SYT9: variants seen among roughly 807,000 people sequenced by gnomAD.
SYT9 encodes the protein synaptotagmin 9, also known as synaptotagmin-9.
A neutral mutation model predicts 48.4 loss-of-function variants in SYT9; 22 were observed. The observed-to-expected ratio is 0.45, with a 90% CI of 0.32 to 0.65. The LOEUF (loss-of-function observed/expected upper bound fraction) is 0.65. SYT9 is among the 30% of genes least tolerant of loss of function. SYT9 has a pLI of 0.03. For synonymous variants in SYT9, 265 were observed against 245.0 expected, an observed-to-expected ratio of 1.08 and a Z score of -0.76; for missense variants, 577 against 622.0, an observed-to-expected ratio of 0.93 and a Z score of 0.77.
Position 7,303,110 on chromosome 11 carries a change from G to A in SYT9, c.217G>A (p.Val73Ile), listed in dbSNP as rs982227091. 10 of 1,614,036 alleles carry A rather than the reference G, an allele frequency of 6.2e-6. No individual in the cohort carries two copies. The highest frequency in any genetic ancestry group is 2.2e-5 in the East Asian group (1 of 44,902). Reference sequence around the variant, plus strand: ...CGCTCTCTTTGGCGTGTCTCTCTTCGTATCTTGGAAACTCTGCTGGGTTCC... The same window carrying A: ...CGCTCTCTTTGGCGTGTCTCTCTTCATATCTTGGAAACTCTGCTGGGTTCC... ...GLALFGVSLF[V>I]SWKLCWVPWR... The change falls in exon 2 of 7, where the codon GTA becomes ATA. Residue 73 changes from valine (V) to isoleucine (I), a missense_variant. Transcript: ENST00000318881.
intron 3 of SYT9, among the ~76,000 whole-genome samples, chr11:7,354,984 T>A (rs766400869): frequency 3.9e-5 from 6 of 152,260 alleles, no homozygotes; most frequent in Middle Eastern, 3.4e-3. Context: ...TATGAAGTTG[T>A]TAAAAAAAAT....
intron 6 of SYT9, chr11:7,440,519 T>C (rs1381076058): frequency 6.6e-6 from 1 of 152,226 alleles, no homozygotes; most frequent in Non-Finnish European, 1.5e-5. Flanking sequence ...TAAGGCGCCA[T>C]AGTCTGCCAA....
In SYT9 at chr11:7,252,266, A is replaced by G. The variant is rs1386759613; in HGVS notation, c.80A>G (p.His27Arg). 6.6e-7 allele frequency: 1 copy of G among 1,510,232 alleles called. No homozygotes were observed. Among genetic ancestry groups the G allele is most frequent in the Non-Finnish European group, 8.9e-7 (1 of 1,129,112 alleles). The allele number at this position is 1,510,232 out of a possible 1,614,324, so 93.6% of individuals were successfully genotyped here. ...CTCTGTGCCCGTGGGGCCCTGGAGCACGACAGCTGCCAGGATTTCATTTAC... is the reference window on the plus strand; with the variant it reads ...CTCTGTGCCCGTGGGGCCCTGGAGCGCGACAGCTGCCAGGATTTCATTTAC... ...AELCARGALE[H>R]DSCQDFIYHL... Residue 27 changes from histidine to arginine, a missense_variant, in exon 1 of 7, where the codon CAC (histidine) becomes CGC (arginine). Transcript: ENST00000318881. This position sits in a 1 kb window ranked among gnomAD's most constrained non-coding sequence, Gnocchi z 6.3.
chr11:7,355,513 T>G (rs1420903059), intron 3 of SYT9, among the ~76,000 whole-genome samples: 1 of 152,252 alleles, frequency 6.6e-6, no homozygotes, highest in Admixed American at 6.5e-5. Flanking sequence ...CTTTCCTGCC[T>G]TCCTCAGCTA....
At chr11:7,343,715 C>T (rs1231819916) in intron 3 of SYT9, among the ~76,000 whole-genome samples, 2 of 152,154 alleles carry the variant, frequency 1.3e-5, no homozygotes, top group Non-Finnish European at 2.9e-5. Flanking sequence ...GTGCCCCACT[C>T]CCAGTACCAA....
upstream of SYT9, among the ~76,000 whole-genome samples, chr11:7,247,864 A>G (rs1231498034): frequency 6.6e-6 from 1 of 151,990 alleles, no homozygotes; most frequent in Non-Finnish European, 1.5e-5. Flanking sequence ...AGCTGCATCA[A>G]ATGGTAGTTC....
At chr11:7,315,957 C>G (rs1017383289) in intron 3 of SYT9, among the ~76,000 whole-genome samples, 1 of 152,078 alleles carries the variant, frequency 6.6e-6, no homozygotes, top group Non-Finnish European at 1.5e-5. Context: ...TTGATCTAAG[C>G]CTTTGGATGG....
intron 3 of SYT9, among the ~76,000 whole-genome samples, chr11:7,367,742 A>G (rs1218585540): frequency 1.3e-5 from 2 of 151,686 alleles, no homozygotes; most frequent in African/African-American, 2.4e-5. Flanking sequence ...GTGTTTATTC[A>G]GATACAAAAT....
chr11:7,410,851 A>G (rs1357771077), intron 3 of SYT9, among the ~76,000 whole-genome samples: 1 of 151,986 alleles, frequency 6.6e-6, no homozygotes, highest in Admixed American at 6.6e-5. Context: ...TCCATTCAAT[A>G]TCTCTTTTTT....
chr11:7,411,287 C>T (rs576205009), intron 3 of SYT9, among the ~76,000 whole-genome samples: 1 of 152,110 alleles, frequency 6.6e-6, no homozygotes, highest in African/African-American at 2.4e-5. Flanking sequence ...TGTAGTTGTA[C>T]CATTTGAATT....
chr11:7,350,250 A>T (rs550426620), intron 3 of SYT9, among the ~76,000 whole-genome samples: 2 of 152,226 alleles, frequency 1.3e-5, no homozygotes, highest in African/African-American at 2.4e-5. Flanking sequence ...AAGTGATGAC[A>T]TTCCCAAATA....
In SYT9 at chr11:7,420,601, G is replaced by A. The variant is rs553708062; in HGVS notation, c.1433G>A (p.Arg478Gln). The change falls in exon 6 of 7, where the codon CGG (arginine) becomes CAG (glutamine). Residue 478 changes from arginine to glutamine, a missense_variant. By Grantham distance (43) the Arg-to-Gln change is conservative. Coordinates refer to ENST00000318881, the MANE Select transcript of SYT9 (RefSeq NM_175733.4). ...DHWSEMLSYP[R>Q]KPIAHWHSLV... ...TGGAGTGAAATGTTGTCATATCCTC[G>A]GAAGCCCATTGCACACTGGCATTCC... 3.7e-6 allele frequency: 6 copies of A among 1,614,184 alleles called. No homozygotes were observed. The highest frequency in any genetic ancestry group is 2.2e-5 in the East Asian group (1 of 44,890).
At chr11:7,247,578 C>T (rs61880866), upstream of SYT9, among the ~76,000 whole-genome samples, 31,581 of 143,826 alleles carry the variant, frequency 0.22, 4,378 homozygotes, top group Admixed American at 0.3. Context: ...TACACATATA[C>T]ATATATATGT....
chr11:7,298,700 T>C (rs1047095646), intron 1 of SYT9, among the ~76,000 whole-genome samples: 4 of 152,118 alleles, frequency 2.6e-5, no homozygotes, highest in Non-Finnish European at 5.9e-5. Flanking sequence ...ATTACAGGTG[T>C]CCAGCTGGAA....
At chr11:7,447,519 C>G (rs1303763708) in intron 6 of SYT9, among the ~76,000 whole-genome samples, 1 of 152,250 alleles carries the variant, frequency 6.6e-6, no homozygotes, top group African/African-American at 2.4e-5. Context: ...CAAACATTCA[C>G]TTCCTTCGAA....
At chr11:7,280,833 G>A (rs79697764) in intron 1 of SYT9, among the ~76,000 whole-genome samples, 2,848 of 152,324 alleles carry the variant, frequency 0.019, 77 homozygotes, top group African/African-American at 0.065. Flanking sequence ...AAGTAACACT[G>A]AGAGCATAGA....
At chr11:7,316,078 G>A (rs1020052074) in intron 3 of SYT9, among the ~76,000 whole-genome samples, 7 of 149,018 alleles carry the variant, frequency 4.7e-5, no homozygotes, top group African/African-American at 1.7e-4. Context: ...GTTTTTTTTT[G>A]TATAGAGACT....
At chr11:7,262,985 A>C (rs1408793625) in intron 1 of SYT9, among the ~76,000 whole-genome samples, 2 of 152,182 alleles carry the variant, frequency 1.3e-5, no homozygotes, top group African/African-American at 4.8e-5. Context: ...TGACTAGTAC[A>C]GAACAAAAAA....
intron 6 of SYT9, among the ~76,000 whole-genome samples, chr11:7,432,585 ATATATACATATATATATATATATATATAT>A (rs1847623560): frequency 2.3e-3 from 6 of 2,652 alleles, no homozygotes; most frequent in African/African-American, 7.1e-3. Context: ...AAAAAAAAAT[ATATATACATATATATATATATATATATAT>A]ATATATATAT....
Sources: allele counts gnomAD v4.1 joint callset (sites outside exome capture counted in the v4.1 genomes callset), GRCh38; gene constraint gnomAD v4.1.1; non-coding constraint Gnocchi (gnomAD v3.1); transcripts MANE v1.5; gene names NCBI Gene and HGNC (gene_info 2026-07-23, HGNC 2026-07-21).